Variants in MCC observed in about 807,000 individuals in gnomAD.
MCC encodes the protein colorectal mutant cancer protein.
In MCC, 90 loss-of-function variants were observed where a neutral mutation model predicts 116.2. That is an observed-to-expected ratio of 0.77 (90% CI 0.65 to 0.92). MCC has a LOEUF of 0.92. MCC is among the 40% of genes least tolerant of loss of function. MCC has a pLI of 0.00. For missense variants in MCC, 1,516 were observed against 1,312.2 expected (o/e 1.16, Z -2.40); for synonymous variants, 578 against 510.5 (o/e 1.13, Z -1.78).
At chr5:113,216,120 T>A (rs765883673) in intron 3 of MCC, among the ~76,000 whole-genome samples, 1 of 152,222 alleles carries the variant, frequency 6.6e-6, no homozygotes, top group African/African-American at 2.4e-5. Flanking sequence ...TTTATTTACA[T>A]AGTGCCTATG....
chr5:113,204,842 A>G (rs989275349), intron 3 of MCC, among the ~76,000 whole-genome samples: 2 of 152,224 alleles, frequency 1.3e-5, no homozygotes, highest in Admixed American at 1.3e-4. Flanking sequence ...GGAAAACTAA[A>G]CAATCAGTTT....
At chr5:113,099,724 ATTCTTAATACTGACCTCCAGAG>A (rs1228730704) in intron 8 of MCC, among the ~76,000 whole-genome samples, 1 of 152,170 alleles carries the variant, frequency 6.6e-6, no homozygotes, top group Non-Finnish European at 1.5e-5. Flanking sequence ...GCACTGTGCT[ATTCTTAATACTGACCTCCAGAG>A]TTGGAGAAAA....
At chr5:113,230,206 T>C (rs766565403) in intron 3 of MCC, among the ~76,000 whole-genome samples, 43 of 152,382 alleles carry the variant, frequency 2.8e-4, no homozygotes, top group Middle Eastern at 3.4e-3. Context: ...CTTTTACTGT[T>C]ACTGGATGTT....
chr5:113,351,407 A>G (rs545078429), intron 2 of MCC, among the ~76,000 whole-genome samples: 8 of 152,318 alleles, frequency 5.3e-5, no homozygotes, highest in African/African-American at 1.9e-4. Flanking sequence ...ATGGAACTGG[A>G]AGTCATTATG....
At chr5:113,345,131 C>T (rs1002747660) in intron 2 of MCC, among the ~76,000 whole-genome samples, 2 of 152,156 alleles carry the variant, frequency 1.3e-5, no homozygotes, top group Non-Finnish European at 2.9e-5. Flanking sequence ...TGGCAGAACT[C>T]ACCATGGGTC....
Position 113,332,372 on chromosome 5 carries a change from T to A in MCC, c.627+8147A>T, listed in dbSNP as rs938468381. Among the ~76,000 whole-genome samples, 19 of 151,496 alleles carry A rather than the reference T, an allele frequency of 1.3e-4. No individual in the cohort carries two copies. In the South Asian group the frequency reaches 2.9e-3, roughly 23 times the overall value. ...AATAAGTATTTTCCTAAGATTTACTTAATTCTTTGAGTTAACTGGCAAGAT... is the reference window on the plus strand; with the variant it reads ...AATAAGTATTTTCCTAAGATTTACTAAATTCTTTGAGTTAACTGGCAAGAT... On this transcript the variant is annotated intron_variant, in intron 3 of 18. Transcript: ENST00000408903.
chr5:113,432,757 A>G (rs891741887), intron 1 of MCC: 6 of 152,242 alleles, frequency 3.9e-5, no homozygotes, highest in Non-Finnish European at 4.4e-5. Flanking sequence ...AAAGTTGATA[A>G]GGAAAAAATA....
intron 5 of MCC, among the ~76,000 whole-genome samples, chr5:113,131,053 G>A (rs1051497226): frequency 2.0e-5 from 3 of 152,130 alleles, no homozygotes; most frequent in African/African-American, 7.2e-5. Context: ...TTCATAGCAA[G>A]AGGGTTTTGG....
At chr5:113,064,925 G>A (rs901101645) in intron 13 of MCC, among the ~76,000 whole-genome samples, 2 of 152,218 alleles carry the variant, frequency 1.3e-5, no homozygotes, top group African/African-American at 4.8e-5. Context: ...CTGAGCTGAG[G>A]TGGGAGGACT....
intron 15 of MCC, among the ~76,000 whole-genome samples, chr5:113,053,425 T>C (rs1752612074): frequency 6.6e-6 from 1 of 152,148 alleles, no homozygotes; most frequent in African/African-American, 2.4e-5. Context: ...GGGGTCAATT[T>C]AGATGGACAG....
intron 3 of MCC, among the ~76,000 whole-genome samples, chr5:113,188,139 G>GA (rs1761992844): frequency 1.3e-5 from 2 of 152,206 alleles, no homozygotes. Flanking sequence ...AGATGGTACT[G>GA]AAACAACGAA....
At chr5:113,429,382 A>C (rs1770566853) in intron 1 of MCC, among the ~76,000 whole-genome samples, 1 of 152,136 alleles carries the variant, frequency 6.6e-6, no homozygotes, top group South Asian at 2.1e-4. Context: ...ATCAACTAGC[A>C]TCTTAATCTT....
chr5:113,410,958 AG>A (rs1410498507), intron 1 of MCC, among the ~76,000 whole-genome samples: 2 of 152,184 alleles, frequency 1.3e-5, no homozygotes, highest in Non-Finnish European at 2.9e-5. Flanking sequence ...ATGGCTGCAT[AG>A]TATTCCATGG....
intron 1 of MCC, among the ~76,000 whole-genome samples, chr5:113,407,163 A>C (rs1001509172): frequency 6.6e-6 from 1 of 152,234 alleles, no homozygotes; most frequent in African/African-American, 2.4e-5. Flanking sequence ...CTTTGTGCTC[A>C]GCAATTGACA....
chr5:113,425,204 T>A (rs1442515452), intron 1 of MCC, among the ~76,000 whole-genome samples: 1 of 152,210 alleles, frequency 6.6e-6, no homozygotes, highest in Non-Finnish European at 1.5e-5. Flanking sequence ...TCACAGCACC[T>A]ACTTTTCATA....
At chr5:113,135,558 CAAAA>C (rs11377680) in intron 5 of MCC, among the ~76,000 whole-genome samples, 11 of 102,636 alleles carry the variant, frequency 1.1e-4, no homozygotes, top group South Asian at 6.8e-4. Flanking sequence ...GACTCTGTCT[CAAAA>C]AAAAAAAAAA....
chr5:113,458,343 C>T (rs1374026246), intron 1 of MCC, among the ~76,000 whole-genome samples: 1 of 151,970 alleles, frequency 6.6e-6, no homozygotes, highest in African/African-American at 2.4e-5. Flanking sequence ...GCCTTAAGAG[C>T]TGTAACACTC....
At chr5:113,074,535 C>T (rs1257724232) in intron 11 of MCC, among the ~76,000 whole-genome samples, 1 of 151,604 alleles carries the variant, frequency 6.6e-6, no homozygotes, top group Non-Finnish European at 1.5e-5. Flanking sequence ...CAGAGAATGA[C>T]TTTGATGAGT....
At chr5:113,255,166 AAAAC>A (rs750418940) in intron 3 of MCC, among the ~76,000 whole-genome samples, 26 of 152,180 alleles carry the variant, frequency 1.7e-4, no homozygotes, top group Non-Finnish European at 2.2e-4. Context: ...ACTCCATCTC[AAAAC>A]AAACAAACAA....
Sources: allele counts gnomAD v4.1 joint callset (sites outside exome capture counted in the v4.1 genomes callset), GRCh38; gene constraint gnomAD v4.1.1; transcripts MANE v1.5; gene names NCBI Gene and HGNC (gene_info 2026-07-23, HGNC 2026-07-21).